The following LIPA variants were observed in gnomAD, a reference collection of about 807,000 sequenced individuals.
LIPA encodes lysosomal acid lipase/cholesteryl ester hydrolase.
Under a neutral mutation model 40.6 loss-of-function variants are expected in LIPA, and 26 were observed. The observed-to-expected ratio is 0.64, with a 90% CI of 0.47 to 0.89. The LOEUF (loss-of-function observed/expected upper bound fraction) is 0.89, where lower values mean the gene tolerates loss of function less well. Ranked by LOEUF, LIPA falls within the 40% of genes least tolerant of loss-of-function variation. The pLI is 0.00. For synonymous variants in LIPA, 188 were observed against 168.4 expected, an observed-to-expected ratio of 1.12 and a Z score of -0.90; for missense variants, 455 against 479.6, an observed-to-expected ratio of 0.95 and a Z score of 0.48.
At chr10:89,323,221 C>T (rs1454910473) in intron 1 of LIPA, among the ~76,000 whole-genome samples, 2 of 152,138 alleles carry the variant, frequency 1.3e-5, no homozygotes, top group Admixed American at 1.3e-4. Flanking sequence ...ACAGAAAAGG[C>T]TTTTGATAAA....
intron 2 of LIPA, among the ~76,000 whole-genome samples, chr10:89,381,328 G>A (rs1399001364): frequency 6.6e-6 from 1 of 152,092 alleles, no homozygotes; most frequent in African/African-American, 2.4e-5. Flanking sequence ...TAGGGGTGGT[G>A]ACTATTTTCA....
At chr10:89,392,705 C>T (rs776926289) in intron 2 of LIPA, 2 of 1,614,078 alleles carry the variant, frequency 1.2e-6, no homozygotes, top group South Asian at 1.1e-5. Context: ...GCCTAATTTA[C>T]AGCAACCATG....
chr10:89,251,715 G>C (rs1843125719), intron 1 of LIPA, 22 bp downstream of exon 1: 2 of 152,248 alleles, frequency 1.3e-5, no homozygotes, highest in South Asian at 4.1e-4. Context: ...ACCTGGCAGC[G>C]CCGCGGCGCC....
At chr10:89,313,176 G>A (rs1247688614) in intron 1 of LIPA, among the ~76,000 whole-genome samples, 1 of 152,218 alleles carries the variant, frequency 6.6e-6, no homozygotes, top group Non-Finnish European at 1.5e-5. Context: ...TGATTCAGTA[G>A]ATCTGGGTGG....
At chr10:89,257,680 G>A (rs1843187973) in intron 1 of LIPA, among the ~76,000 whole-genome samples, 1 of 152,174 alleles carries the variant, frequency 6.6e-6, no homozygotes, top group South Asian at 2.1e-4. Context: ...AGTTTAGGGA[G>A]GCCAAATCCA....
chr10:89,309,291 CG>C (rs1310826843), intron 1 of LIPA: 2 of 152,108 alleles, frequency 1.3e-5, no homozygotes, highest in African/African-American at 2.4e-5. Context: ...CCATCCTGGA[CG>C]CAATCCAAAT....
chr10:89,409,376 T>A (rs1462833132), intron 2 of LIPA, among the ~76,000 whole-genome samples: 1 of 152,092 alleles, frequency 6.6e-6, no homozygotes, highest in African/African-American at 2.4e-5. Flanking sequence ...AGCATGCCAA[T>A]CACCCGGTAG....
chr10:89,402,201 A>G, intron 2 of LIPA: 2 of 881,046 alleles, frequency 2.3e-6, no homozygotes, highest in Non-Finnish European at 3.6e-6. Flanking sequence ...GATAAGCACT[A>G]AAATACAAGG....
At chr10:89,371,159 A>T (rs1212124094) in intron 2 of LIPA, among the ~76,000 whole-genome samples, 2 of 152,268 alleles carry the variant, frequency 1.3e-5, no homozygotes. Context: ...CCAAAAGGAG[A>T]TATCACAGAA....
intron 2 of LIPA, among the ~76,000 whole-genome samples, chr10:89,365,701 A>G (rs1193392267): frequency 2.0e-5 from 3 of 152,104 alleles, no homozygotes; most frequent in Admixed American, 2.0e-4. Context: ...CATTTATTAA[A>G]TAGGGAATCC....
chr10:89,349,563 G>A (rs1230900424), intron 2 of LIPA, among the ~76,000 whole-genome samples: 1 of 152,138 alleles, frequency 6.6e-6, no homozygotes, highest in East Asian at 1.9e-4. Flanking sequence ...CAAAAGTGAG[G>A]GATGTAGATT....
intron 4 of LIPA, 39 bp downstream of exon 4, chr10:89,228,161 T>A: frequency 6.4e-7 from 1 of 1,559,754 alleles, no homozygotes. Context: ...TTAAGAGTAC[T>A]AAGGAAATAC....
chr10:89,407,123 A>C lies in LIPA; in HGVS notation c.61+5668T>G, dbSNP rs143214250. On this transcript the variant is annotated intron_variant, in intron 2 of 8. Transcript: ENST00000371837. Reference sequence around the variant, plus strand: ...TATTCCTGTACTTCCAGGCTGAACCAAGGGTTGACAGGGAGGAAAGCCATT... The same window carrying C: ...TATTCCTGTACTTCCAGGCTGAACCCAGGGTTGACAGGGAGGAAAGCCATT... Among the ~76,000 whole-genome samples, 336 of 152,264 alleles carry C rather than the reference A, an allele frequency of 2.2e-3. 1 individual carries two copies. Among genetic ancestry groups the C allele is most frequent in the African/African-American group, 6.6e-3 (274 of 41,558 alleles).
At chr10:89,322,038 G>A (rs1193657629) in intron 1 of LIPA, among the ~76,000 whole-genome samples, 1 of 152,010 alleles carries the variant, frequency 6.6e-6, no homozygotes, top group Admixed American at 6.6e-5. Flanking sequence ...CTGGACACAG[G>A]ATGGGGAGCA....
intron 2 of LIPA, chr10:89,362,668 T>A (rs991284504): frequency 1.7e-6 from 1 of 596,846 alleles, no homozygotes; most frequent in Admixed American, 2.8e-5. Flanking sequence ...CTGGATAAGG[T>A]AGAGAACATT....
intron 2 of LIPA, among the ~76,000 whole-genome samples, chr10:89,375,210 G>A (rs1844113392): frequency 6.6e-6 from 1 of 152,174 alleles, no homozygotes; most frequent in Non-Finnish European, 1.5e-5. Context: ...GATTCCATGG[G>A]TAAGTAAATG....
rs1332328 is a variant in LIPA at position 89,251,701 on chromosome 10, C to T, written c.-2+36G>A. 57,834 of 152,162 alleles carry T rather than the reference C, an allele frequency of 0.38. 11,295 individuals are homozygous for T. Among genetic ancestry groups the T allele is most frequent in the South Asian group, 0.53 (2,534 of 4,812 alleles). The allele number at this position is 152,162 out of a possible 1,614,324, so 9.4% of individuals were successfully genotyped here. ...GAAGGCACCAGCTTCCACGCCGCACCCGCACCTGGCAGCGCCGCGGCGCCG... is the reference window on the plus strand; with the variant it reads ...GAAGGCACCAGCTTCCACGCCGCACTCGCACCTGGCAGCGCCGCGGCGCCG... On this transcript the variant is annotated intron_variant, in intron 1 of 9. Transcript: ENST00000336233.
chr10:89,233,052 G>A (rs1842861459), intron 3 of LIPA, among the ~76,000 whole-genome samples: 4 of 152,162 alleles, frequency 2.6e-5, no homozygotes, highest in Admixed American at 6.5e-5. Flanking sequence ...CCTGCACAAC[G>A]CTTTTCTCAG....
In LIPA at chr10:89,380,765, A is replaced by G. The variant is rs192532254; in HGVS notation, c.61+32026T>C. On this transcript the variant is annotated intron_variant, in intron 2 of 8. Transcript: ENST00000371837. The stretch of plus-strand genomic sequence containing the variant: ...GATGATAATATGTATACTACTAATA[A>G]CAGCACTTTCTGTATGCTCACCAGA... 3.9e-5 allele frequency among the ~76,000 whole-genome samples: 6 copies of G among 152,294 alleles called. No homozygotes were observed. In the East Asian group the frequency reaches 1.2e-3, roughly 29 times the overall value.
Sources: allele counts gnomAD v4.1 joint callset (sites outside exome capture counted in the v4.1 genomes callset), GRCh38; gene constraint gnomAD v4.1.1; transcripts MANE v1.5; gene names NCBI Gene and HGNC (gene_info 2026-07-23, HGNC 2026-07-21).